The following BFSP2 variants were observed in gnomAD, a reference collection of about 807,000 sequenced individuals.
BFSP2 encodes phakinin.
In BFSP2, 38 loss-of-function variants were observed where a neutral mutation model predicts 44.9. That is an observed-to-expected ratio of 0.85 (90% CI 0.65 to 1.11). The LOEUF (loss-of-function observed/expected upper bound fraction) is 1.11. Among genes scored for constraint, BFSP2 ranks in the 50% least tolerant of loss-of-function variants. The probability of loss-of-function intolerance (pLI) is 0.00; values close to 1 mark genes in which losing one functional copy is unlikely to be tolerated. For synonymous variants in BFSP2, 197 were observed against 209.9 expected (o/e 0.94, Z 0.53); for missense variants, 525 against 533.0 (o/e 0.99, Z 0.15).
intron 1 of BFSP2, among the ~76,000 whole-genome samples, chr3:133,436,441 G>A (rs138072409): frequency 1.2e-4 from 18 of 151,684 alleles, no homozygotes; most frequent in Admixed American, 1.2e-3. Flanking sequence ...TCTGTTGATA[G>A]GCATAGGTTG....
chr3:133,432,374 C>T (rs192616607), intron 1 of BFSP2, among the ~76,000 whole-genome samples: 2 of 152,250 alleles, frequency 1.3e-5, no homozygotes, highest in East Asian at 1.9e-4. Flanking sequence ...CTTAAAGATG[C>T]TTTTTTCACT....
chr3:133,429,379 T>A (rs9877839), intron 1 of BFSP2: 2 of 152,154 alleles, frequency 1.3e-5, no homozygotes, highest in Non-Finnish European at 2.9e-5. Flanking sequence ...GGAGGCCCAG[T>A]GAAGAGGTGA....
chr3:133,409,263 G>A (rs2073429066), intron 1 of BFSP2, among the ~76,000 whole-genome samples: 1 of 126,380 alleles, frequency 7.9e-6, no homozygotes, highest in Non-Finnish European at 1.7e-5. Flanking sequence ...TGTGTACTGT[G>A]GGACAGAGTA....
chr3:133,403,209 C>T (rs759233782), intron 1 of BFSP2, among the ~76,000 whole-genome samples: 21 of 152,134 alleles, frequency 1.4e-4, no homozygotes, highest in Non-Finnish European at 2.6e-4. Context: ...GGTCCTGGGC[C>T]CCAGAAATCC....
chr3:133,446,486 G>A (rs1191538196), intron 1 of BFSP2, among the ~76,000 whole-genome samples: 1 of 146,288 alleles, frequency 6.8e-6, no homozygotes, highest in African/African-American at 2.5e-5. Context: ...CTGGAGCAAG[G>A]GGAAAGCAGT....
At position 133,447,406 on chromosome 3, in the gene BFSP2, T is replaced by A; in HGVS notation, c.572+7T>A. On this transcript the variant is annotated splice_region_variant and intron_variant, in intron 2 of 6. Transcript: ENST00000302334. ...CAGATGACTTTAAAGAGAGGTAATGTCTTACAGCAGAGGCGACAGTCCCTC... is the reference window on the plus strand; with the variant it reads ...CAGATGACTTTAAAGAGAGGTAATGACTTACAGCAGAGGCGACAGTCCCTC... 1 of 1,613,584 alleles carries A rather than the reference T, an allele frequency of 6.2e-7. No homozygotes were observed. The highest frequency in any genetic ancestry group is 1.7e-5 in the Admixed American group (1 of 59,972).
chr3:133,411,920 T>C (rs2073457959), intron 1 of BFSP2, among the ~76,000 whole-genome samples: 1 of 152,230 alleles, frequency 6.6e-6, no homozygotes, highest in Non-Finnish European at 1.5e-5. Flanking sequence ...AAATGGGCTT[T>C]ATTTGGATCA....
chr3:133,464,972 T>G (rs983158701), intron 4 of BFSP2, among the ~76,000 whole-genome samples: 2 of 151,626 alleles, frequency 1.3e-5, no homozygotes, highest in African/African-American at 4.8e-5. Flanking sequence ...GTGCTACTAC[T>G]GAGCTATGAG....
chr3:133,441,193 G>A lies in BFSP2; in HGVS notation c.490-6124G>A, dbSNP rs149407119. Among the ~76,000 whole-genome samples the A allele has an allele frequency of 4.7e-4, 71 of 151,914 alleles. No homozygotes were observed. In the East Asian group the frequency reaches 0.013, roughly 28 times the overall value. On this transcript the variant is annotated intron_variant, in intron 1 of 6. Transcript: ENST00000302334. ...TAGCTGGGATTACAGGCACACCCACGCCGGGCTAATTTTTGTATTTTTAGT... is the reference window on the plus strand; with the variant it reads ...TAGCTGGGATTACAGGCACACCCACACCGGGCTAATTTTTGTATTTTTAGT...
chr3:133,421,721 G>A (rs138743561), intron 1 of BFSP2, among the ~76,000 whole-genome samples: 3 of 152,308 alleles, frequency 2.0e-5, no homozygotes, highest in Non-Finnish European at 4.4e-5. Flanking sequence ...ATTTTGTCCT[G>A]TTTTGTCAAC....
Position 133,400,204 on chromosome 3 carries a change from G to C in BFSP2, c.121G>C (p.Ala41Pro). The change falls in exon 1 of 7, where the codon GCC becomes CCC. Residue 41 changes from alanine to proline, a missense_variant. Transcript: ENST00000302334. This position sits in a 1 kb window ranked among gnomAD's most constrained non-coding sequence, Gnocchi z 4.0. ...ATCATCCTCCCTGGAGAGCCCCCCA[G>C]CCTCCAGGACCAATGCCATGAGTGG... Reference protein sequence around the residue: ...RSSSSLESPPASRTNAMSGLV... With the variant: ...RSSSSLESPPPSRTNAMSGLV... 6.2e-7 allele frequency: 1 copy of C among 1,614,082 alleles called. No homozygotes were observed. The highest frequency in any genetic ancestry group is 2.2e-5 in the East Asian group (1 of 44,868).
chr3:133,450,472 GC>G lies in BFSP2; in HGVS notation c.891+9del. ...GCCCTGCTCCAAGCTAAGGTGAGAG[GC>G]AGGACCAGCATCCTCCACTCTGCCC... On this transcript the variant is annotated intron_variant, in intron 4 of 6. Transcript: ENST00000302334. 1.9e-6 allele frequency: 3 copies of G among 1,613,870 alleles called. No individual in the cohort carries two copies. Among genetic ancestry groups the G allele is most frequent in the Non-Finnish European group, 2.5e-6 (3 of 1,179,994 alleles).
intron 1 of BFSP2, among the ~76,000 whole-genome samples, chr3:133,425,431 A>AT (rs2073634398): frequency 6.6e-6 from 1 of 152,168 alleles, no homozygotes; most frequent in African/African-American, 2.4e-5. Flanking sequence ...GCCCTCTCCC[A>AT]AGATCCCTTT....
intron 1 of BFSP2, among the ~76,000 whole-genome samples, chr3:133,443,387 T>C (rs59840860): frequency 0.25 from 37,340 of 151,970 alleles, 5,094 homozygotes; most frequent in African/African-American, 0.38. Context: ...AGACCCAATC[T>C]TGAAAAACTT....
rs371179115 is a variant in BFSP2 at position 133,400,425 on chromosome 3, C to G, written c.342C>G (p.Cys114Trp). ...DHGAVEDLGG[C>W]LVEYMAKVHA... is the part of the protein sequence containing the mutation. The stretch of plus-strand genomic sequence containing the variant: ...GTGCTGTTGAGGACCTAGGGGGCTG[C>G]CTGGTGGAATATATGGCCAAAGTGC... The change falls in exon 1 of 7, where the codon TGC becomes TGG. Residue 114 changes from cysteine to tryptophan, a missense_variant. Physicochemically the swap from Cys to Trp is radical, Grantham distance 215. Transcript: ENST00000302334. The surrounding 1 kb of genome is among the most constrained non-coding windows in gnomAD (Gnocchi z 4.0). 6.2e-7 allele frequency: 1 copy of G among 1,614,044 alleles called. No individual in the cohort carries two copies. The highest frequency in any genetic ancestry group is 1.7e-5 in the Admixed American group (1 of 60,028).
At chr3:133,466,353 T>C (rs1224601985) in intron 4 of BFSP2, among the ~76,000 whole-genome samples, 1 of 151,918 alleles carries the variant, frequency 6.6e-6, no homozygotes, top group Non-Finnish European at 1.5e-5. Context: ...TACATTTTTG[T>C]ATACAAGTTG....
At chr3:133,459,377 T>C (rs949155580) in intron 4 of BFSP2, among the ~76,000 whole-genome samples, 2 of 152,160 alleles carry the variant, frequency 1.3e-5, no homozygotes, top group Non-Finnish European at 2.9e-5. Flanking sequence ...ATTTTTCTCT[T>C]TAGAATTAGA....
intron 1 of BFSP2, among the ~76,000 whole-genome samples, chr3:133,432,310 T>C (rs543887917): frequency 3.9e-5 from 6 of 152,324 alleles, no homozygotes; most frequent in African/African-American, 1.4e-4. Context: ...GCCCAACCGG[T>C]ACACCCTTTC....
chr3:133,419,957 C>G (rs888274280), intron 1 of BFSP2, among the ~76,000 whole-genome samples: 1 of 152,218 alleles, frequency 6.6e-6, no homozygotes, highest in African/African-American at 2.4e-5. Flanking sequence ...GTGGGCGAGG[C>G]CTGGCATGAG....
Sources: gnomAD v4.1 joint callset for allele counts (sites outside exome capture counted in the v4.1 genomes callset) on GRCh38, gnomAD v4.1.1 for gene constraint, Gnocchi (gnomAD v3.1) non-coding constraint, MANE v1.5 for transcripts, NCBI Gene and HGNC (gene_info 2026-07-23, HGNC 2026-07-21) for gene names.